ADAM23: variants seen among roughly 807,000 people sequenced by gnomAD.
ADAM23 encodes the protein ADAM metallopeptidase domain 23.
A neutral mutation model predicts 120.1 loss-of-function variants in ADAM23; 33 were observed. That is an observed-to-expected ratio of 0.27 (90% confidence interval 0.21 to 0.37). ADAM23 has a LOEUF of 0.37. Among genes scored for constraint, ADAM23 ranks in the 10% least tolerant of loss-of-function variants. The pLI is 1.00. For missense variants in ADAM23, 862 were observed against 1,058.2 expected, an observed-to-expected ratio of 0.81 and a Z score of 2.57; for synonymous variants, 367 against 375.2, an observed-to-expected ratio of 0.98 and a Z score of 0.25.
intron 3 of ADAM23, among the ~76,000 whole-genome samples, chr2:206,484,764 T>G (rs901741869): frequency 6.6e-6 from 1 of 152,148 alleles, no homozygotes; most frequent in African/African-American, 2.4e-5. Flanking sequence ...CCTACCCAAA[T>G]CTTACTTTGA....
intron 8 of ADAM23, among the ~76,000 whole-genome samples, chr2:206,549,324 G>A (rs1697464479): frequency 6.6e-6 from 1 of 151,374 alleles, no homozygotes; most frequent in African/African-American, 2.4e-5. Context: ...AGATGTGGTT[G>A]GTAATAATAT....
chr2:206,453,397 C>A (rs140511129), intron 2 of ADAM23, among the ~76,000 whole-genome samples: 2 of 152,296 alleles, frequency 1.3e-5, no homozygotes, highest in East Asian at 3.9e-4. Flanking sequence ...TATCAGTTTT[C>A]TAAATGAAAA....
chr2:206,566,428 T>C lies in ADAM23; in HGVS notation c.1395-795T>C, dbSNP rs142051193. ...GTCACTCGCAAGTCAAGCACTGTTA[T>C]AATCACGCACTGTATTCCTGAGGAA... is the stretch of plus-strand genomic sequence containing the variant. On this transcript the variant is annotated intron_variant, in intron 14 of 25. Coordinates refer to ENST00000264377, the MANE Select transcript of ADAM23 (RefSeq NM_003812.4). Among the ~76,000 whole-genome samples, 150 of 152,132 alleles carry C rather than the reference T, an allele frequency of 9.9e-4. 2 individuals are homozygous for C. The East Asian group carries it at 0.025, about 25-fold the overall frequency.
chr2:206,473,444 A>G (rs1695703177), intron 2 of ADAM23, among the ~76,000 whole-genome samples: 1 of 151,994 alleles, frequency 6.6e-6, no homozygotes, highest in Non-Finnish European at 1.5e-5. Flanking sequence ...CTTTACAAAT[A>G]ATATTTATGC....
intron 5 of ADAM23, 119 bp downstream of exon 5, chr2:206,542,253 G>A (rs927019310): frequency 4.2e-6 from 4 of 961,772 alleles, no homozygotes; most frequent in Non-Finnish European, 6.5e-6. Context: ...CATGTGGAGT[G>A]GTGCACAAGG....
chr2:206,469,396 A>G (rs1695608047), intron 2 of ADAM23, among the ~76,000 whole-genome samples: 2 of 152,108 alleles, frequency 1.3e-5, no homozygotes, highest in South Asian at 4.1e-4. Flanking sequence ...AGTGAGTCCT[A>G]TTGACTTTGC....
intron 24 of ADAM23, among the ~76,000 whole-genome samples, chr2:206,598,733 C>G (rs765549025): frequency 4.1e-4 from 62 of 151,922 alleles, no homozygotes; most frequent in South Asian, 4.2e-4. Context: ...AACCCCATCC[C>G]TACTAAAAAT....
chr2:206,523,013 C>T (rs1696875332), intron 3 of ADAM23, among the ~76,000 whole-genome samples: 1 of 152,068 alleles, frequency 6.6e-6, no homozygotes, highest in Non-Finnish European at 1.5e-5. Flanking sequence ...AAAGATTTTT[C>T]TTCTGATACC....
At chr2:206,523,414 CT>C (rs1457435844) in intron 3 of ADAM23, among the ~76,000 whole-genome samples, 1 of 152,226 alleles carries the variant, frequency 6.6e-6, no homozygotes, top group African/African-American at 2.4e-5. Flanking sequence ...GGCATGCCAT[CT>C]TTGTCTGACT....
chr2:206,534,800 CTTATTACTATCA>C (rs1325738930), intron 4 of ADAM23, among the ~76,000 whole-genome samples: 1 of 152,064 alleles, frequency 6.6e-6, no homozygotes, highest in East Asian at 1.9e-4. Flanking sequence ...TTCCCTCTAC[CTTATTACTATCA>C]TTATTAGGTG....
At chr2:206,525,029 G>A (rs910654753) in intron 3 of ADAM23, among the ~76,000 whole-genome samples, 2 of 152,148 alleles carry the variant, frequency 1.3e-5, no homozygotes, top group Admixed American at 6.5e-5. Context: ...GTGACCATAT[G>A]CCCCAGTTTT....
chr2:206,565,811 A>G (rs1368527171), intron 14 of ADAM23, among the ~76,000 whole-genome samples: 1 of 151,860 alleles, frequency 6.6e-6, no homozygotes, highest in African/African-American at 2.4e-5. Flanking sequence ...CACACCAACC[A>G]TTTCTGGTCC....
chr2:206,542,178 A>G (rs1574522886), intron 5 of ADAM23, 44 bp downstream of exon 5: 7 of 1,575,948 alleles, frequency 4.4e-6, no homozygotes, highest in South Asian at 1.1e-5. Flanking sequence ...GACCCTTTCC[A>G]GTTTCCCTTT....
chr2:206,451,938 A>G (rs1695203713), intron 2 of ADAM23, among the ~76,000 whole-genome samples: 1 of 152,260 alleles, frequency 6.6e-6, no homozygotes. Context: ...GACCATAAAC[A>G]TGTCCAGAGC....
At chr2:206,475,593 C>A (rs963416885) in intron 2 of ADAM23, among the ~76,000 whole-genome samples, 1 of 151,586 alleles carries the variant, frequency 6.6e-6, no homozygotes, top group African/African-American at 2.4e-5. Context: ...GAAAAACATA[C>A]CAAACAGCCA....
intron 6 of ADAM23, among the ~76,000 whole-genome samples, chr2:206,544,177 A>G (rs1213569452): frequency 2.0e-5 from 3 of 152,238 alleles, no homozygotes; most frequent in Non-Finnish European, 2.9e-5. Flanking sequence ...TTGTGTGACT[A>G]TAAGAATGTA....
chr2:206,509,834 A>G (rs982773609), intron 3 of ADAM23, among the ~76,000 whole-genome samples: 1 of 152,232 alleles, frequency 6.6e-6, no homozygotes, highest in African/African-American at 2.4e-5. Flanking sequence ...AAAATAAACT[A>G]TGGTAATAAG....
intron 2 of ADAM23, among the ~76,000 whole-genome samples, chr2:206,454,332 G>A (rs114408108): frequency 0.01 from 1,551 of 152,214 alleles, 16 homozygotes; most frequent in Non-Finnish European, 0.015. Flanking sequence ...ATCAGCCCTC[G>A]TGAGAACTCA....
intron 3 of ADAM23, among the ~76,000 whole-genome samples, chr2:206,519,422 A>G (rs951669267): frequency 1.3e-5 from 2 of 152,198 alleles, no homozygotes; most frequent in African/African-American, 2.4e-5. Flanking sequence ...AGCAAAGCAC[A>G]ATCATGACTT....
Sources: gnomAD v4.1 joint callset for allele counts (sites outside exome capture counted in the v4.1 genomes callset) on GRCh38, gnomAD v4.1.1 for gene constraint, MANE v1.5 for transcripts, NCBI Gene and HGNC (gene_info 2026-07-23, HGNC 2026-07-21) for gene names.